The following RASEF variants were observed in gnomAD, a reference collection of about 807,000 sequenced individuals.
RASEF encodes the protein ras and EF-hand domain-containing protein.
A neutral mutation model predicts 90.1 loss-of-function variants in RASEF; 68 were observed. The ratio of observed to expected loss-of-function variants is 0.75; its 90% confidence interval spans 0.62 to 0.92. The LOEUF is 0.92. Ranked by LOEUF, RASEF falls within the 40% of genes least tolerant of loss-of-function variation. The probability of loss-of-function intolerance (pLI) is 0.00; values close to 1 mark genes in which losing one functional copy is unlikely to be tolerated. For missense variants in RASEF, 949 were observed against 937.2 expected (o/e 1.01, Z -0.16); for synonymous variants, 331 against 345.2 (o/e 0.96, Z 0.46).
the RASEF span, among the ~76,000 whole-genome samples, chr9:83,129,511 A>G: frequency 6.6e-6 from 1 of 152,328 alleles, no homozygotes; most frequent in East Asian, 1.9e-4. Flanking sequence ...TTTGTTATAA[A>G]TAGAGAGTAT....
At chr9:83,189,011 C>T in the RASEF span, among the ~76,000 whole-genome samples, 1 of 152,200 alleles carries the variant, frequency 6.6e-6, no homozygotes, top group Non-Finnish European at 1.5e-5. Flanking sequence ...GCCTCAGCTA[C>T]TGGTGCTGGA....
At chr9:83,092,642 G>A in the RASEF span, among the ~76,000 whole-genome samples, 17 of 152,286 alleles carry the variant, frequency 1.1e-4, no homozygotes, top group African/African-American at 2.2e-4. Context: ...TGCAAAGAGC[G>A]AAAGAACAAA....
At chr9:83,048,793 T>G in intron 1 of RASEF, 1 of 969,346 alleles carries the variant, frequency 1.0e-6, no homozygotes, top group Non-Finnish European at 1.2e-6. Context: ...CAAGTCCCAT[T>G]AGAATATTTC....
chr9:83,030,987 T>C (rs1005877404), intron 1 of RASEF, among the ~76,000 whole-genome samples: 2 of 152,170 alleles, frequency 1.3e-5, no homozygotes, highest in African/African-American at 4.8e-5. Flanking sequence ...AACTCCAATA[T>C]GGCTAAGCCT....
Position 83,062,731 on chromosome 9 carries a change from T to G in RASEF, c.137A>C (p.Asp46Ala). 6.4e-7 allele frequency: 1 copy of G among 1,572,266 alleles called. No homozygotes were observed. The highest frequency in any genetic ancestry group is 1.1e-5 in the South Asian group (1 of 87,306). ...LCTELRVRPA[D>A]AEAVFQRLDA... Reference sequence around the variant, plus strand: ...CAGCCGCTGGAATACTGCCTCGGCGTCGGCCGGCCGCACCCGCAGCTCCGT... The same window carrying G: ...CAGCCGCTGGAATACTGCCTCGGCGGCGGCCGGCCGCACCCGCAGCTCCGT... The change falls in exon 1 of 17, where the codon GAC (aspartate) becomes GCC (alanine). Residue 46 changes from aspartate (D) to alanine (A), a missense_variant. Physicochemically the swap from Asp to Ala is moderately radical, Grantham distance 126. Transcript: ENST00000376447.
At chr9:83,212,349 C>G in the RASEF span, among the ~76,000 whole-genome samples, 32 of 152,144 alleles carry the variant, frequency 2.1e-4, no homozygotes, top group Non-Finnish European at 4.3e-4. Flanking sequence ...ATTGTCATAA[C>G]CAATGTATAG....
At chr9:83,111,327 G>A in the RASEF span, among the ~76,000 whole-genome samples, 2 of 152,134 alleles carry the variant, frequency 1.3e-5, no homozygotes, top group African/African-American at 4.8e-5. Flanking sequence ...GAGTAGAAGG[G>A]TGGTTACCAG....
the RASEF span, among the ~76,000 whole-genome samples, chr9:83,115,692 A>G: frequency 6.6e-6 from 1 of 152,314 alleles, no homozygotes; most frequent in Admixed American, 6.5e-5. Context: ...GCCTAAATAC[A>G]TAGTCATAAA....
rs756326004 is a variant in RASEF at position 82,990,385 on chromosome 9, C to T, written c.2117+6G>A. 2.5e-6 allele frequency: 4 copies of T among 1,610,374 alleles called. No homozygotes were observed. Among genetic ancestry groups the T allele is most frequent in the East Asian group, 2.2e-5 (1 of 44,804 alleles). On this transcript the variant is annotated splice_donor_region_variant and intron_variant, in intron 16 of 16. Transcript: ENST00000376447. ...TCAATCCTACATCCATTTTCCCAAA[C>T]TTTACCGAGCAAGGTGCAGAACAGC...
the RASEF span, among the ~76,000 whole-genome samples, chr9:83,078,725 C>A: frequency 1.3e-5 from 2 of 151,726 alleles, no homozygotes; most frequent in African/African-American, 2.4e-5. Flanking sequence ...CAGAAGCTGC[C>A]AATTAACTTA....
At chr9:83,199,736 G>C in the RASEF span, among the ~76,000 whole-genome samples, 1 of 152,216 alleles carries the variant, frequency 6.6e-6, no homozygotes, top group Admixed American at 6.5e-5. Flanking sequence ...AGAGGAGGCA[G>C]GGCATGGGTG....
chr9:82,992,168 T>C (rs1030805069), intron 15 of RASEF, among the ~76,000 whole-genome samples: 3 of 151,666 alleles, frequency 2.0e-5, no homozygotes, highest in African/African-American at 7.3e-5. Context: ...AGTCCTTTCC[T>C]GGTGCTGACG....
the RASEF span, among the ~76,000 whole-genome samples, chr9:83,200,784 T>C: frequency 2.0e-5 from 3 of 152,166 alleles, no homozygotes; most frequent in Non-Finnish European, 4.4e-5. Context: ...AGTTAAGTCA[T>C]AGCCTATGTT....
the RASEF span, among the ~76,000 whole-genome samples, chr9:83,173,225 T>A: frequency 6.6e-6 from 1 of 152,070 alleles, no homozygotes; most frequent in East Asian, 1.9e-4. Flanking sequence ...CTCAGAGTAG[T>A]TTTATTTGGG....
the RASEF span, among the ~76,000 whole-genome samples, chr9:83,176,354 C>A: frequency 6.6e-6 from 1 of 152,022 alleles, no homozygotes; most frequent in Non-Finnish European, 1.5e-5. Flanking sequence ...ACTTTTTCAC[C>A]TTTTTATTTC....
chr9:83,186,141 T>C, the RASEF span, among the ~76,000 whole-genome samples: 1 of 152,152 alleles, frequency 6.6e-6, no homozygotes, highest in Non-Finnish European at 1.5e-5. Context: ...TAAAATTTTA[T>C]TTACAAAAAC....
chr9:82,989,558 A>G (rs566574130), intron 16 of RASEF, among the ~76,000 whole-genome samples: 1 of 152,302 alleles, frequency 6.6e-6, no homozygotes, highest in Non-Finnish European at 1.5e-5. Flanking sequence ...GATATTGCAA[A>G]GTATTTTAAC....
At position 83,062,483 on chromosome 9, in the gene RASEF, G is replaced by A; in HGVS notation, c.385C>T (p.Gln129Ter). 1.2e-6 allele frequency: 2 copies of A among 1,612,322 alleles called. No individual in the cohort carries two copies. The highest frequency in any genetic ancestry group is 1.7e-6 in the Non-Finnish European group (2 of 1,179,566). ...TCCCCAAGTCGCGCCTGGAAATCCT[G>A]CCAAGCCCGGCCGGGACTCGCCGGG... Reference protein sequence around the residue: ...CGPASPGRAWQDFQARLGDEA... With the variant: ...CGPASPGRAW The change falls in exon 1 of 17, where the codon CAG becomes TAG. Residue 129 changes from glutamine (Q) to a stop codon, truncating the protein, a stop_gained. Transcript: ENST00000376447. LOFTEE classifies it high-confidence loss of function.
At chr9:83,079,995 AG>A in the RASEF span, among the ~76,000 whole-genome samples, 2 of 152,252 alleles carry the variant, frequency 1.3e-5, no homozygotes, top group Non-Finnish European at 2.9e-5. Flanking sequence ...ATAAGTGTAT[AG>A]GTAGAAATGT....
Sources: gnomAD v4.1 joint callset for allele counts (sites outside exome capture counted in the v4.1 genomes callset) on GRCh38, gnomAD v4.1.1 for gene constraint, MANE v1.5 for transcripts, NCBI Gene and HGNC (gene_info 2026-07-23, HGNC 2026-07-21) for gene names.